CADM2: variants seen among roughly 807,000 people sequenced by gnomAD.
The protein encoded by CADM2 is immunoglobulin superfamily member 4D.
Under a neutral mutation model 49.8 loss-of-function variants are expected in CADM2, and 12 were observed. The observed-to-expected ratio is 0.24, with a 90% confidence interval of 0.15 to 0.39. The LOEUF (loss-of-function observed/expected upper bound fraction) is 0.39, where lower values mean the gene tolerates loss of function less well. Among genes scored for constraint, CADM2 ranks in the 10% least tolerant of loss-of-function variants. CADM2 has a pLI of 1.00. For missense variants in CADM2, 378 were observed against 492.3 expected (o/e 0.77, Z 2.20); for synonymous variants, 214 against 175.4 (o/e 1.22, Z -1.74).
chr3:85,858,961 A>G (rs908571967), intron 3 of CADM2, among the ~76,000 whole-genome samples: 27 of 152,344 alleles, frequency 1.8e-4, no homozygotes, highest in African/African-American at 6.3e-4. Flanking sequence ...AGCTTAACTC[A>G]GTGTGAGCTA....
intron 1 of CADM2, among the ~76,000 whole-genome samples, chr3:85,353,747 T>A (rs935117913): frequency 6.6e-6 from 1 of 152,024 alleles, no homozygotes; most frequent in African/African-American, 2.4e-5. Flanking sequence ...CACTCAATAT[T>A]TTTTTGAAAT....
intron 1 of CADM2, among the ~76,000 whole-genome samples, chr3:85,650,887 G>A (rs1317955127): frequency 1.4e-5 from 2 of 147,606 alleles, no homozygotes; most frequent in African/African-American, 5.0e-5. Flanking sequence ...ATACTTCTTT[G>A]TAAACCCTGC....
At position 85,886,176 on chromosome 3, in the gene CADM2, C is replaced by T. The variant is rs376704962; in HGVS notation, c.392-14C>T. 1.6e-4 allele frequency: 253 copies of T among 1,611,102 alleles called. No homozygotes were observed. The highest frequency in any genetic ancestry group is 1.9e-4 in the Non-Finnish European group (228 of 1,178,032). On this transcript the variant is annotated splice_polypyrimidine_tract_variant and intron_variant, in intron 4 of 9. Transcript: ENST00000383699. ...GAAGATTGATGCTCACTTCATCATT[C>T]GCTTAAATTTCAGGTGTTCCTGAAA...
intron 6 of CADM2, among the ~76,000 whole-genome samples, chr3:85,927,670 T>C (rs140725816): frequency 6.6e-6 from 1 of 152,312 alleles, no homozygotes; most frequent in African/African-American, 2.4e-5. Flanking sequence ...CAAACCACTG[T>C]ATTTCTTCAC....
intron 1 of CADM2, among the ~76,000 whole-genome samples, chr3:85,582,147 A>G (rs1368175495): frequency 6.6e-6 from 1 of 152,012 alleles, no homozygotes; most frequent in African/African-American, 2.4e-5. Context: ...GATGGTCTCG[A>G]TCTCTTGATC....
chr3:85,279,936 G>C (rs557594729), intron 1 of CADM2, among the ~76,000 whole-genome samples: 8 of 151,570 alleles, frequency 5.3e-5, no homozygotes, highest in South Asian at 4.2e-4. Flanking sequence ...GAAATCAACT[G>C]CTTATTAGAT....
At chr3:85,670,483 TGTCA>T (rs1278794538) in intron 1 of CADM2, among the ~76,000 whole-genome samples, 1 of 152,148 alleles carries the variant, frequency 6.6e-6, no homozygotes, top group Non-Finnish European at 1.5e-5. Context: ...GCTGATGGCA[TGTCA>T]GTGTCACATT....
chr3:85,987,956 G>C (rs552978207), intron 8 of CADM2, among the ~76,000 whole-genome samples: 7 of 152,144 alleles, frequency 4.6e-5, no homozygotes, highest in African/African-American at 9.6e-5. Flanking sequence ...TGCAGGCACT[G>C]CCCTTGCTTC....
At chr3:85,442,602 ATATATATATATATATATAT>A (rs2107546480) in intron 1 of CADM2, among the ~76,000 whole-genome samples, 1 of 22,680 alleles carries the variant, frequency 4.4e-5, no homozygotes, top group Admixed American at 1.1e-3. Flanking sequence ...ATATATATAT[ATATATATATATATATATAT>A]ATATATATAT....
intron 1 of CADM2, among the ~76,000 whole-genome samples, chr3:85,339,642 T>C (rs2045187563): frequency 6.6e-6 from 1 of 151,464 alleles, no homozygotes; most frequent in South Asian, 2.1e-4. Flanking sequence ...TGGGAATGAC[T>C]GAGTTTCCAA....
At chr3:85,708,228 C>T (rs1183351731) in intron 1 of CADM2, among the ~76,000 whole-genome samples, 1 of 152,006 alleles carries the variant, frequency 6.6e-6, no homozygotes, top group Non-Finnish European at 1.5e-5. Flanking sequence ...TTACAGTCAC[C>T]ATAATGACAT....
intron 4 of CADM2, 78 bp downstream of exon 4, chr3:85,883,521 A>C (rs1713122825): frequency 8.1e-7 from 1 of 1,238,320 alleles, no homozygotes; most frequent in African/African-American, 1.5e-5. Flanking sequence ...ATTCAATACA[A>C]AAATATATTT....
intron 1 of CADM2, among the ~76,000 whole-genome samples, chr3:84,966,383 G>A (rs2030983125): frequency 6.6e-6 from 1 of 151,926 alleles, no homozygotes; most frequent in South Asian, 2.1e-4. Context: ...GGCTTTCAGG[G>A]ATGTATAATA....
intron 1 of CADM2, among the ~76,000 whole-genome samples, chr3:85,495,845 T>G (rs971169293): frequency 6.6e-6 from 1 of 152,066 alleles, no homozygotes; most frequent in African/African-American, 2.4e-5. Flanking sequence ...AAGCCATTCA[T>G]GAGGGATCCA....
At chr3:85,319,989 C>T (rs962415582) in intron 1 of CADM2, among the ~76,000 whole-genome samples, 4 of 152,164 alleles carry the variant, frequency 2.6e-5, no homozygotes, top group African/African-American at 9.7e-5. Flanking sequence ...AAAATCCCTC[C>T]TTTACAGATA....
chr3:85,168,640 T>G (rs2040536265), intron 1 of CADM2, among the ~76,000 whole-genome samples: 1 of 152,314 alleles, frequency 6.6e-6, no homozygotes, highest in African/African-American at 2.4e-5. Context: ...TAATTTTATC[T>G]AATCTGTAAT....
At chr3:85,285,164 G>A (rs1043523849) in intron 1 of CADM2, among the ~76,000 whole-genome samples, 1 of 152,094 alleles carries the variant, frequency 6.6e-6, no homozygotes, top group Non-Finnish European at 1.5e-5. Flanking sequence ...TTAGGATTGA[G>A]TTTCAGACAA....
At chr3:85,473,180 C>T (rs1434432950) in intron 1 of CADM2, among the ~76,000 whole-genome samples, 1 of 151,940 alleles carries the variant, frequency 6.6e-6, no homozygotes, top group East Asian at 1.9e-4. Flanking sequence ...CAAAATTCTA[C>T]CATTTAAAAT....
chr3:85,673,739 C>A (rs1302123824), intron 1 of CADM2, among the ~76,000 whole-genome samples: 1 of 151,886 alleles, frequency 6.6e-6, no homozygotes. Context: ...TCGTTTAAAC[C>A]CAAATTAATT....
Sources: allele counts gnomAD v4.1 joint callset (sites outside exome capture counted in the v4.1 genomes callset), GRCh38; gene constraint gnomAD v4.1.1; transcripts MANE v1.5; gene names NCBI Gene and HGNC (gene_info 2026-07-23, HGNC 2026-07-21).